Variants in CTNNA2 observed in about 807,000 individuals in gnomAD.
The protein encoded by CTNNA2 is catenin alpha-2.
In CTNNA2, 42 loss-of-function variants were observed where a neutral mutation model predicts 101.0. The ratio of observed to expected loss-of-function variants is 0.42; its 90% confidence interval spans 0.32 to 0.54. The LOEUF is 0.54. Ranked by LOEUF, CTNNA2 falls within the 20% of genes least tolerant of loss-of-function variation. CTNNA2 has a pLI of 0.14. For synonymous variants in CTNNA2, 450 were observed against 456.4 expected (o/e 0.99, Z 0.18); for missense variants, 871 against 1,223.1 (o/e 0.71, Z 4.29).
chr2:80,020,956 C>G (rs1028021823), intron 7 of CTNNA2, among the ~76,000 whole-genome samples: 1 of 146,348 alleles, frequency 6.8e-6, no homozygotes, highest in Admixed American at 6.8e-5. Flanking sequence ...CTAAAATCCT[C>G]TTCTCTTTGG....
At chr2:79,837,935 G>C (rs1386595224) in intron 3 of CTNNA2, among the ~76,000 whole-genome samples, 2 of 151,958 alleles carry the variant, frequency 1.3e-5, no homozygotes, top group African/African-American at 4.8e-5. Flanking sequence ...AAACAAAAGA[G>C]ACTAATATTA....
intron 2 of CTNNA2, among the ~76,000 whole-genome samples, chr2:79,703,994 A>G (rs187827809): frequency 7.2e-5 from 11 of 152,256 alleles, no homozygotes; most frequent in African/African-American, 2.6e-4. Context: ...TAAAGTTATT[A>G]TTACTAGAAA....
At position 79,483,894 on chromosome 2, in the gene CTNNA2, T is replaced by C. The variant is rs974992793; in HGVS notation, c.-134-21160T>C. Among the ~76,000 whole-genome samples, 57 of 152,220 alleles carry C rather than the reference T, an allele frequency of 3.7e-4. 3 individuals are homozygous for C. Among genetic ancestry groups the C allele is most frequent in the Non-Finnish European group, 1.5e-5 (1 of 68,046 alleles). On this transcript the variant is annotated intron_variant, in intron 4 of 21. Coordinates refer to the CTNNA2 transcript ENST00000466387. ...CATGTGTGTACAAATGTCTTTTTCA[T>C]AGAATGACTTCTTTTCATAGGACCT...
intron 7 of CTNNA2, among the ~76,000 whole-genome samples, chr2:80,153,365 G>A (rs1270480787): frequency 6.6e-6 from 1 of 152,198 alleles, no homozygotes; most frequent in Non-Finnish European, 1.5e-5. Flanking sequence ...AAGATGCTCA[G>A]TGGTTTTAAT....
At chr2:79,540,154 G>A (rs905899467) in intron 1 of CTNNA2, among the ~76,000 whole-genome samples, 8 of 152,102 alleles carry the variant, frequency 5.3e-5, no homozygotes, top group Non-Finnish European at 7.4e-5. Context: ...AAAAGGGAAT[G>A]AGTAAGAGAA....
At chr2:80,627,097 C>A (rs1671766725) in intron 18 of CTNNA2, among the ~76,000 whole-genome samples, 2 of 152,154 alleles carry the variant, frequency 1.3e-5, no homozygotes, top group East Asian at 3.9e-4. Context: ...GCCACATTTT[C>A]TTAACCCATT....
At chr2:79,799,009 A>G (rs1350689425) in intron 3 of CTNNA2, among the ~76,000 whole-genome samples, 2 of 152,192 alleles carry the variant, frequency 1.3e-5, no homozygotes, top group African/African-American at 2.4e-5. Flanking sequence ...TTATCCTGCT[A>G]TAGTACATCT....
intron 7 of CTNNA2, among the ~76,000 whole-genome samples, chr2:80,344,286 C>T (rs749567284): frequency 7.9e-5 from 12 of 152,092 alleles, no homozygotes; most frequent in Non-Finnish European, 1.3e-4. Context: ...GGGCTTCCTA[C>T]CTCAGTCTTT....
At chr2:80,114,239 T>C (rs935424965) in intron 7 of CTNNA2, among the ~76,000 whole-genome samples, 2 of 152,210 alleles carry the variant, frequency 1.3e-5, no homozygotes, top group African/African-American at 4.8e-5. Context: ...CCCTCTTTTA[T>C]GCAATAGGAA....
At chr2:80,456,305 C>A (rs1410783770) in intron 9 of CTNNA2, among the ~76,000 whole-genome samples, 1 of 152,174 alleles carries the variant, frequency 6.6e-6, no homozygotes, top group Admixed American at 6.5e-5. Context: ...ATCCCCTGCA[C>A]ATTGGTATCC....
At chr2:80,173,939 C>T (rs2148967350) in intron 7 of CTNNA2, among the ~76,000 whole-genome samples, 1 of 152,270 alleles carries the variant, frequency 6.6e-6, no homozygotes, top group South Asian at 2.1e-4. Context: ...TCTCCCGCTC[C>T]AACACCCTCT....
At chr2:79,700,695 C>T (rs1278928715) in intron 2 of CTNNA2, among the ~76,000 whole-genome samples, 1 of 152,246 alleles carries the variant, frequency 6.6e-6, no homozygotes, top group African/African-American at 2.4e-5. Context: ...TGTTTATTAA[C>T]ACCACCCAGG....
In CTNNA2 at chr2:79,385,971, GAAGAGTGCTGCA is replaced by G. The variant is rs144980835; in HGVS notation, c.-135+11960_-135+11971del. 4.1e-3 allele frequency among the ~76,000 whole-genome samples: 623 copies of G among 152,226 alleles called. 6 individuals are homozygous for G. The highest frequency in any genetic ancestry group is 0.015 in the African/African-American group (606 of 41,532). On this transcript the variant is annotated intron_variant, in intron 4 of 21. Transcript: ENST00000466387. ...GGGTTAGTTCCAAGTCTTTGCTATT[GAAGAGTGCTGCA>G]ATAAACATACATGTGCATGTGTCTT...
intron 7 of CTNNA2, among the ~76,000 whole-genome samples, chr2:80,322,119 A>T (rs755763649): frequency 1.3e-4 from 20 of 152,182 alleles, no homozygotes; most frequent in Non-Finnish European, 2.8e-4. Context: ...CAAAACATTT[A>T]GCTCACTTTT....
At chr2:79,752,737 A>G (rs1055356464) in intron 3 of CTNNA2, among the ~76,000 whole-genome samples, 1 of 152,222 alleles carries the variant, frequency 6.6e-6, no homozygotes, top group Non-Finnish European at 1.5e-5. Context: ...ACAGAATGGA[A>G]GGAGAGAAAT....
intron 18 of CTNNA2, among the ~76,000 whole-genome samples, chr2:80,630,963 G>C (rs1289359324): frequency 6.6e-6 from 1 of 152,216 alleles, no homozygotes; most frequent in Non-Finnish European, 1.5e-5. Context: ...GTAACAGGCA[G>C]TGACTTCAGA....
At chr2:79,887,106 A>G (rs115783962) in intron 6 of CTNNA2, among the ~76,000 whole-genome samples, 92 of 152,204 alleles carry the variant, frequency 6.0e-4, no homozygotes, top group African/African-American at 2.0e-3. Flanking sequence ...CGTGAGCCAC[A>G]GCTCCTGGCC....
chr2:79,981,653 T>C (rs953016014), intron 7 of CTNNA2, among the ~76,000 whole-genome samples: 10 of 152,174 alleles, frequency 6.6e-5, no homozygotes, highest in Admixed American at 6.5e-4. Context: ...GTCATTCTTA[T>C]GGACCCTAGG....
intron 7 of CTNNA2, among the ~76,000 whole-genome samples, chr2:80,082,169 A>AT (rs987506285): frequency 9.9e-5 from 15 of 152,102 alleles, no homozygotes; most frequent in African/African-American, 3.4e-4. Flanking sequence ...ATCTGATGCT[A>AT]TTTTTTCTAG....
Sources: allele counts gnomAD v4.1 joint callset (sites outside exome capture counted in the v4.1 genomes callset), GRCh38; gene constraint gnomAD v4.1.1; transcripts MANE v1.5; gene names NCBI Gene and HGNC (gene_info 2026-07-23, HGNC 2026-07-21).